Variants in C11orf65 observed in about 807,000 individuals in gnomAD.
C11orf65 encodes the protein chromosome 11 open reading frame 65.
Under a neutral mutation model 35.3 loss-of-function variants are expected in C11orf65, and 38 were observed. The ratio of observed to expected loss-of-function variants is 1.08; its 90% CI spans 0.83 to 1.41. C11orf65 has a LOEUF of 1.41. Ranked by LOEUF, C11orf65 falls within the 40% of genes most tolerant of loss-of-function variation. The pLI is 0.00. For synonymous variants in C11orf65, 105 were observed against 114.4 expected (o/e 0.92, Z 0.53); for missense variants, 370 against 367.1 (o/e 1.01, Z -0.06).
intron 6 of C11orf65, among the ~76,000 whole-genome samples, chr11:108,403,572 A>G (rs1056836327): frequency 2.0e-5 from 3 of 152,088 alleles, no homozygotes; most frequent in Non-Finnish European, 4.4e-5. Flanking sequence ...CTCTTTAAAA[A>G]ATCTTGGCCA....
intron 2 of C11orf65, among the ~76,000 whole-genome samples, chr11:108,370,555 C>G (rs887954539): frequency 6.7e-6 from 1 of 148,290 alleles, no homozygotes; most frequent in African/African-American, 2.6e-5. Flanking sequence ...AGTCCTGTGC[C>G]TCATCTCAAA....
intron 2 of C11orf65, among the ~76,000 whole-genome samples, chr11:108,373,576 T>C (rs1331200215): frequency 6.6e-6 from 1 of 152,222 alleles, no homozygotes; most frequent in Non-Finnish European, 1.5e-5. Context: ...AGCTCCGGTC[T>C]ACAGCTCCCA....
rs1565503206 is a variant in C11orf65 at position 108,317,453 on chromosome 11, TGAACTA to T, written c.641-8388_641-8383del. The T allele has an allele frequency of 6.2e-7, 1 of 1,612,654 alleles. No individual in the cohort carries two copies. On this transcript the variant is annotated intron_variant, in intron 6 of 6. Transcript: ENST00000525729. ...ATTATGAAAATAAAGACTGGTGTCC[TGAACTA>T]GAAGAACTTCATTACCAAGCAGCAT... is the stretch of plus-strand genomic sequence containing the variant.
intron 2 of C11orf65, among the ~76,000 whole-genome samples, chr11:108,454,344 G>T (rs1381902759): frequency 2.0e-5 from 3 of 150,444 alleles, no homozygotes; most frequent in Admixed American, 6.6e-5. Flanking sequence ...TGTTGCCCAG[G>T]CTGGGGTGCA....
chr11:108,338,306 C>A (rs1397126296), intron 2 of C11orf65, among the ~76,000 whole-genome samples: 1 of 151,292 alleles, frequency 6.6e-6, no homozygotes, highest in African/African-American at 2.4e-5. Context: ...GAGCCGAGAT[C>A]ACACCACTGC....
rs876659563 is a variant in C11orf65, at chr11:108,325,373, C to T, written c.641-16302G>A. The T allele has an allele frequency of 3.7e-6, 6 of 1,612,322 alleles. No homozygotes were observed. The African/African-American group carries it at 5.4e-5, about 14-fold the overall frequency. ...AGTGGCAGAAACACTCCCAGCTTCT[C>T]AAGGACAGTGATTTTAGTTTTCAGG... On this transcript the variant is annotated intron_variant, in intron 6 of 6. Coordinates refer to the C11orf65 transcript ENST00000525729.
chr11:108,353,649 G>C (rs1382389851), intron 2 of C11orf65: 2 of 800,998 alleles, frequency 2.5e-6, no homozygotes, highest in African/African-American at 3.4e-5. Context: ...GTACATACTA[G>C]TGTTCATAGA....
At position 108,359,483 on chromosome 11, in the gene C11orf65, C is replaced by G. The variant is rs573907148; in HGVS notation, c.227-24191G>C. On this transcript the variant is annotated intron_variant, in intron 2 of 3. Coordinates refer to the C11orf65 transcript ENST00000524755. ...TACAGAACTCTCCACCCCAAATCAACAGAATATACATTTTTTTCAGCACCA... is the reference window on the plus strand; with the variant it reads ...TACAGAACTCTCCACCCCAAATCAAGAGAATATACATTTTTTTCAGCACCA... Among the ~76,000 whole-genome samples, 207 of 152,132 alleles carry G rather than the reference C, an allele frequency of 1.4e-3. 1 individual carries two copies. The highest frequency in any genetic ancestry group is 4.7e-3 in the African/African-American group (195 of 41,488).
rs369285504 is a variant in C11orf65, at chr11:108,348,207, A to C, written c.227-12915T>G. Among the ~76,000 whole-genome samples the C allele has an allele frequency of 9.9e-5, 15 of 152,034 alleles. No individual in the cohort carries two copies. In the East Asian group the frequency reaches 2.5e-3, roughly 25 times the overall value. On this transcript the variant is annotated intron_variant, in intron 2 of 3. Coordinates refer to the C11orf65 transcript ENST00000524755. ...CAGTTTAATATATAAGAAAGAAAGA[A>C]TATATAGCTTCTATGTATATATATA... is the stretch of plus-strand genomic sequence containing the variant.
intron 3 of C11orf65, among the ~76,000 whole-genome samples, chr11:108,333,197 A>G (rs2086469240): frequency 6.6e-6 from 1 of 152,206 alleles, no homozygotes. Context: ...AAAATAATTG[A>G]ATAACTGAAC....
intron 6 of C11orf65, among the ~76,000 whole-genome samples, chr11:108,397,524 T>C (rs1302357469): frequency 6.6e-6 from 1 of 152,088 alleles, no homozygotes; most frequent in African/African-American, 2.4e-5. Context: ...AAAGCTTAAG[T>C]TGCAAAGGAG....
chr11:108,358,512 A>G (rs1227679628), intron 2 of C11orf65, among the ~76,000 whole-genome samples: 1 of 147,202 alleles, frequency 6.8e-6, no homozygotes, highest in Admixed American at 6.9e-5. Flanking sequence ...CCAAAGTTGA[A>G]ATGAAGGAAA....
At chr11:108,455,923 G>A (rs986368402) in intron 2 of C11orf65, among the ~76,000 whole-genome samples, 1 of 151,972 alleles carries the variant, frequency 6.6e-6, no homozygotes, top group Non-Finnish European at 1.5e-5. Context: ...GGAGGCCAAG[G>A]TGGGTAGATC....
intron 3 of C11orf65, among the ~76,000 whole-genome samples, chr11:108,407,525 T>G: frequency 6.6e-6 from 1 of 151,328 alleles, no homozygotes. Context: ...CTTCCTATGT[T>G]GCCAAGCTGG....
intron 2 of C11orf65, among the ~76,000 whole-genome samples, chr11:108,370,175 A>C (rs1312043531): frequency 2.0e-5 from 3 of 151,898 alleles, no homozygotes; most frequent in Non-Finnish European, 4.4e-5. Flanking sequence ...GTTTATTCCT[A>C]AGCACTTTGT....
chr11:108,333,840 G>T, intron 3 of C11orf65: 1 of 1,437,270 alleles, frequency 7.0e-7, no homozygotes. Context: ...GACCTTCAAT[G>T]CTGTTCCTCA....
chr11:108,361,647 G>A (rs80169580), intron 2 of C11orf65, among the ~76,000 whole-genome samples: 1 of 151,568 alleles, frequency 6.6e-6, no homozygotes, highest in Non-Finnish European at 1.5e-5. Flanking sequence ...AACGCCGCAT[G>A]TCTACAACTA....
At chr11:108,403,475 G>T (rs1448979817) in intron 6 of C11orf65, among the ~76,000 whole-genome samples, 1 of 76,648 alleles carries the variant, frequency 1.3e-5, no homozygotes, top group African/African-American at 5.4e-5. Flanking sequence ...TATATATTTT[G>T]CAAATGTTTT....
chr11:108,373,087 AAAATT>A (rs887173844), intron 2 of C11orf65, among the ~76,000 whole-genome samples: 3 of 152,150 alleles, frequency 2.0e-5, no homozygotes, highest in Admixed American at 6.5e-5. Context: ...ATAAAAAAAA[AAAATT>A]AAAAGAAAGA....
Sources: allele counts gnomAD v4.1 joint callset (sites outside exome capture counted in the v4.1 genomes callset), GRCh38; gene constraint gnomAD v4.1.1; transcripts MANE v1.5; gene names NCBI Gene and HGNC (gene_info 2026-07-23, HGNC 2026-07-21).